Variants in CELF2 observed in about 807,000 individuals in gnomAD.
The protein encoded by CELF2 is CUG triplet repeat RNA-binding protein 2.
In CELF2, 8 loss-of-function variants were observed where a neutral mutation model predicts 62.6. That is an observed-to-expected ratio of 0.13 (90% CI 0.07 to 0.23). The LOEUF (loss-of-function observed/expected upper bound fraction) is 0.23. Among genes scored for constraint, CELF2 ranks in the 10% least tolerant of loss-of-function variants. The probability of loss-of-function intolerance (pLI) is 1.00; values close to 1 mark genes in which losing one functional copy is unlikely to be tolerated. For synonymous variants in CELF2, 258 were observed against 250.0 expected (o/e 1.03, Z -0.30); for missense variants, 333 against 671.0 (o/e 0.50, Z 5.56).
the CELF2 span, among the ~76,000 whole-genome samples, chr10:10,777,488 C>G: frequency 2.6e-5 from 4 of 152,190 alleles, no homozygotes. Context: ...CCTCAACATC[C>G]CATCAGCCAC....
chr10:10,481,273 T>C, the CELF2 span, among the ~76,000 whole-genome samples: 2 of 152,204 alleles, frequency 1.3e-5, no homozygotes, highest in Non-Finnish European at 2.9e-5. Context: ...TTCATGTTTA[T>C]TTGCATGCTT....
At chr10:10,745,491 C>T in the CELF2 span, among the ~76,000 whole-genome samples, 1 of 152,168 alleles carries the variant, frequency 6.6e-6, no homozygotes, top group Non-Finnish European at 1.5e-5. Context: ...AAGTCGAGAG[C>T]TTGGCAGATC....
In CELF2 at chr10:10,924,281, CAAAAAAAA is replaced by C. The variant is rs11415164; in HGVS notation, c.89+4304_89+4311del. Among the ~76,000 whole-genome samples, 36 of 45,096 alleles carry C rather than the reference CAAAAAAAA, an allele frequency of 8.0e-4. 1 individual carries two copies. Among genetic ancestry groups the C allele is most frequent in the African/African-American group, 2.7e-3 (31 of 11,630 alleles). 29.6% of individuals were successfully genotyped at this position (45,096 alleles called of 152,430 possible). A position where few individuals can be genotyped will look rare whatever the true frequency, so the allele number is the denominator to read the frequency against. On this transcript the variant is annotated intron_variant, in intron 2 of 13. Coordinates refer to the CELF2 transcript ENST00000636488. ...TGGGCAACACAGCGAGACTCCGTCC[CAAAAAAAA>C]AAAAAAAAAAAAAAAAAAAAAGATA... is the stretch of plus-strand genomic sequence containing the variant.
intron 2 of CELF2, among the ~76,000 whole-genome samples, chr10:10,921,959 A>T (rs2064963996): frequency 6.6e-6 from 1 of 152,202 alleles, no homozygotes; most frequent in Non-Finnish European, 1.5e-5. Flanking sequence ...AGAGAATCTC[A>T]AGAACAGGAG....
the CELF2 span, among the ~76,000 whole-genome samples, chr10:10,537,214 A>T: frequency 6.6e-6 from 1 of 152,192 alleles, no homozygotes; most frequent in African/African-American, 2.4e-5. Flanking sequence ...CTTAACCAAG[A>T]GCTCGTTGGC....
chr10:11,130,557 A>G (rs972576839), intron 1 of CELF2, among the ~76,000 whole-genome samples: 22 of 152,250 alleles, frequency 1.4e-4, no homozygotes, highest in African/African-American at 4.6e-4. Flanking sequence ...TATGTAATAC[A>G]TATTTGTATT....
At chr10:10,925,499 G>C (rs1230717187) in intron 2 of CELF2, among the ~76,000 whole-genome samples, 1 of 152,064 alleles carries the variant, frequency 6.6e-6, no homozygotes, top group Non-Finnish European at 1.5e-5. Context: ...TCTCTGAAGT[G>C]GTTCAGTGGC....
chr10:10,475,879 T>G, the CELF2 span, among the ~76,000 whole-genome samples: 1 of 152,150 alleles, frequency 6.6e-6, no homozygotes, highest in Non-Finnish European at 1.5e-5. Flanking sequence ...TTATTTTCTG[T>G]ACTCCACTTT....
At chr10:10,813,198 C>G (rs1469120413) in intron 1 of CELF2, among the ~76,000 whole-genome samples, 1 of 152,202 alleles carries the variant, frequency 6.6e-6, no homozygotes, top group Non-Finnish European at 1.5e-5. Flanking sequence ...TGTCTCTGAG[C>G]TGGAGCTCTA....
the CELF2 span, among the ~76,000 whole-genome samples, chr10:10,473,731 C>T: frequency 2.0e-5 from 3 of 151,962 alleles, no homozygotes; most frequent in Non-Finnish European, 4.4e-5. Flanking sequence ...ATTATTCAGT[C>T]ATTGAAAGAA....
chr10:10,808,180 A>T (rs528403953), intron 1 of CELF2, among the ~76,000 whole-genome samples: 1 of 152,348 alleles, frequency 6.6e-6, no homozygotes, highest in East Asian at 1.9e-4. Context: ...TGGAATTATG[A>T]CTGACGACAT....
rs138813853 is a variant in CELF2, at chr10:11,035,808, T to A, written c.74+17645T>A. ...CATGTAATGTGCAGCTGTAGCCAGA[T>A]ATAATGCTTCCTCTCCCTAAATGTT... On this transcript the variant is annotated intron_variant, in intron 1 of 12. Transcript: ENST00000633077. 3.9e-5 allele frequency among the ~76,000 whole-genome samples: 6 copies of A among 152,358 alleles called. No individual in the cohort carries two copies. The East Asian group carries it at 1.2e-3, about 29-fold the overall frequency.
chr10:10,778,822 T>C, the CELF2 span, among the ~76,000 whole-genome samples: 19 of 152,212 alleles, frequency 1.2e-4, no homozygotes, highest in East Asian at 3.3e-3. Flanking sequence ...CAGGTACATA[T>C]ATGGTGCAAT....
the CELF2 span, among the ~76,000 whole-genome samples, chr10:10,536,121 G>A: frequency 2.0e-5 from 3 of 151,014 alleles, no homozygotes; most frequent in South Asian, 2.1e-4. Flanking sequence ...CCGAGTTCAA[G>A]CGATTCTACT....
At chr10:10,702,378 T>C in the CELF2 span, among the ~76,000 whole-genome samples, 98 of 152,332 alleles carry the variant, frequency 6.4e-4, no homozygotes, top group Middle Eastern at 3.4e-3. Flanking sequence ...CTCTGACCTA[T>C]GAGCTTTGAA....
At chr10:10,808,405 T>C (rs573261306) in intron 1 of CELF2, among the ~76,000 whole-genome samples, 1 of 152,298 alleles carries the variant, frequency 6.6e-6, no homozygotes, top group African/African-American at 2.4e-5. Flanking sequence ...TTAACATCTC[T>C]TTTTTTAACC....
At chr10:11,024,379 C>T (rs1045541845) in intron 1 of CELF2, among the ~76,000 whole-genome samples, 13 of 152,074 alleles carry the variant, frequency 8.5e-5, no homozygotes, top group Non-Finnish European at 1.8e-4. Flanking sequence ...CCGAGGCAGG[C>T]GAATCACCTT....
At position 11,159,386 on chromosome 10, in the gene CELF2, G is replaced by A. The variant is rs529879381; in HGVS notation, c.75-6100G>A. ...AAAGGCAGTCATGGAAGACAGACGC[G>A]TTTTTCATGATGACTGTGAAGCAGT... On this transcript the variant is annotated intron_variant, in intron 1 of 12. Coordinates refer to ENST00000633077, the MANE Select transcript of CELF2 (RefSeq NM_001326342.2). This position sits in a 1 kb window ranked among gnomAD's most constrained non-coding sequence, Gnocchi z 5.0. Among the ~76,000 whole-genome samples, 20 of 152,346 alleles carry A rather than the reference G, an allele frequency of 1.3e-4. No individual in the cohort carries two copies. In the East Asian group the frequency reaches 2.9e-3, roughly 22 times the overall value.
intron 1 of CELF2, among the ~76,000 whole-genome samples, chr10:11,099,944 TA>T (rs2051050859): frequency 6.8e-6 from 1 of 148,036 alleles, no homozygotes; most frequent in African/African-American, 2.5e-5. Flanking sequence ...CTCATGCCCA[TA>T]ATCCCAGCAC....
Sources: gnomAD v4.1 joint callset for allele counts (sites outside exome capture counted in the v4.1 genomes callset) on GRCh38, gnomAD v4.1.1 for gene constraint, Gnocchi (gnomAD v3.1) non-coding constraint, MANE v1.5 for transcripts, NCBI Gene and HGNC (gene_info 2026-07-23, HGNC 2026-07-21) for gene names.